ABCC11: variants seen among roughly 807,000 people sequenced by gnomAD.
ABCC11 encodes the protein ATP-binding cassette sub-family C member 11.
A neutral mutation model predicts 149.3 loss-of-function variants in ABCC11; 135 were observed. That is an observed-to-expected ratio of 0.90 (90% confidence interval 0.79 to 1.04). The LOEUF (loss-of-function observed/expected upper bound fraction) is 1.04, where lower values mean the gene tolerates loss of function less well. ABCC11 is among the 50% of genes least tolerant of loss of function. ABCC11 has a pLI of 0.00. For missense variants in ABCC11, 1,680 were observed against 1,722.1 expected, an observed-to-expected ratio of 0.98 and a Z score of 0.43; for synonymous variants, 665 against 671.4, an observed-to-expected ratio of 0.99 and a Z score of 0.15.
At chr16:48,209,039 A>G (rs1369380817) in intron 11 of ABCC11, among the ~76,000 whole-genome samples, 1 of 152,310 alleles carries the variant, frequency 6.6e-6, no homozygotes, top group African/African-American at 2.4e-5. Context: ...TAAATATCAG[A>G]TGGAGATAAG....
chr16:48,180,009 C>A (rs1966327387), intron 23 of ABCC11, among the ~76,000 whole-genome samples: 1 of 152,184 alleles, frequency 6.6e-6, no homozygotes, highest in Non-Finnish European at 1.5e-5. Flanking sequence ...AAAAAGAGGC[C>A]AGGGGCGGGT....
chr16:48,230,644 A>G, intron 2 of ABCC11, 71 bp from the exon 3 acceptor site: 1 of 1,399,698 alleles, frequency 7.1e-7, no homozygotes. Flanking sequence ...ATGTTGGACC[A>G]GCTGCCCATG....
At chr16:48,214,303 C>G (rs983851774) in intron 9 of ABCC11, among the ~76,000 whole-genome samples, 10 of 152,042 alleles carry the variant, frequency 6.6e-5, no homozygotes, top group African/African-American at 2.4e-4. Flanking sequence ...ATGCCTGAGC[C>G]AAGCAGAGGG....
chr16:48,209,652 G>T (rs1299320680), intron 11 of ABCC11: 1 of 152,530 alleles, frequency 6.6e-6, no homozygotes, highest in Non-Finnish European at 1.5e-5. Flanking sequence ...CAGGTGTCGG[G>T]GTCCCCTGGT....
In ABCC11 at chr16:48,196,323, T is replaced by G. The variant is rs764669323; in HGVS notation, c.2315-2A>C. ...CCTGTGTGAGCTGATGCTCCGGCACTGGGTCAGGGTAGAAGAAGAGAAAAG... is the reference window on the plus strand; with the variant it reads ...CCTGTGTGAGCTGATGCTCCGGCACGGGGTCAGGGTAGAAGAAGAGAAAAG... On this transcript the variant is annotated splice_acceptor_variant, in intron 17 of 29. Transcript: ENST00000356608. LOFTEE classifies it high-confidence loss of function. The G allele has an allele frequency of 6.2e-7, 1 of 1,613,762 alleles. No homozygotes were observed. Among genetic ancestry groups the G allele is most frequent in the African/African-American group, 1.3e-5 (1 of 75,058 alleles).
rs1969078578 is a variant in ABCC11 at position 48,213,354 on chromosome 16, AG to A, written c.1356+88del. On this transcript the variant is annotated intron_variant, in intron 10 of 29. Transcript: ENST00000356608. Reference sequence around the variant, plus strand: ...CCCTCTCTCGACCTAGGCCTTGGCCAGGGGACGTGTTCTGGAGGAACATCAT... The same window carrying A: ...CCCTCTCTCGACCTAGGCCTTGGCCAGGGACGTGTTCTGGAGGAACATCAT... The A allele has an allele frequency of 2.1e-5, 25 of 1,179,842 alleles. No individual in the cohort carries two copies. In the South Asian group the frequency reaches 3.4e-4, roughly 16 times the overall value. 73.1% of individuals were successfully genotyped at this position (1,179,842 alleles called of 1,614,324 possible). A position where few individuals can be genotyped will look rare whatever the true frequency, so the allele number is the denominator to read the frequency against.
intron 4 of ABCC11, among the ~76,000 whole-genome samples, chr16:48,224,830 C>A (rs1339079137): frequency 6.6e-6 from 1 of 152,142 alleles, no homozygotes; most frequent in Non-Finnish European, 1.5e-5. Flanking sequence ...CGAGACCAGT[C>A]TGGTCAACAT....
At chr16:48,222,567 T>C (rs895107061) in intron 6 of ABCC11, 31 bp downstream of exon 6, 2 of 1,584,954 alleles carry the variant, frequency 1.3e-6, no homozygotes, top group African/African-American at 2.7e-5. Flanking sequence ...TAGGGAAGCA[T>C]GGCCCAGAAT....
intron 13 of ABCC11, among the ~76,000 whole-genome samples, 196 bp from the exon 14 acceptor site, chr16:48,203,496 AT>A (rs1272720279): frequency 3.9e-5 from 6 of 152,122 alleles, no homozygotes; most frequent in Non-Finnish European, 5.9e-5. Context: ...CTCTTAGTAA[AT>A]ATTTGACCAG....
chr16:48,188,169 G>A (rs1470863906), intron 20 of ABCC11, among the ~76,000 whole-genome samples: 5 of 152,298 alleles, frequency 3.3e-5, no homozygotes, highest in East Asian at 1.9e-4. Flanking sequence ...CACTGCCTAC[G>A]GGGTAGCCCT....
At chr16:48,170,606 G>T (rs1398395705) in intron 27 of ABCC11, among the ~76,000 whole-genome samples, 1 of 152,152 alleles carries the variant, frequency 6.6e-6, no homozygotes, top group Non-Finnish European at 1.5e-5. Context: ...GCATTTACTT[G>T]TTGCCTTTAT....
At chr16:48,205,635 G>A in intron 12 of ABCC11, 98 bp from the exon 13 acceptor site, 1 of 1,469,028 alleles carries the variant, frequency 6.8e-7, no homozygotes, top group African/African-American at 1.4e-5. Flanking sequence ...CTGCCCTCCA[G>A]GACCTTGGGG....
At position 48,218,744 on chromosome 16, in the gene ABCC11, G is replaced by T. The variant is rs117494223; in HGVS notation, c.778-2457C>A. Among the ~76,000 whole-genome samples the T allele has an allele frequency of 2.9e-3, 441 of 152,242 alleles. 6 individuals carry two copies. Among genetic ancestry groups the T allele is most frequent in the East Asian group, 0.013 (68 of 5,168 alleles). Reference sequence around the variant, plus strand: ...TACACAAGCTCTCTCAGTCTCCCTTGTCTGCCACCATGTAAGATGTGCCTT... The same window carrying T: ...TACACAAGCTCTCTCAGTCTCCCTTTTCTGCCACCATGTAAGATGTGCCTT... On this transcript the variant is annotated intron_variant, in intron 6 of 29. Transcript: ENST00000356608.
rs186982648 is a variant in ABCC11, at chr16:48,194,834, T to A, written c.2405-852A>T. Among the ~76,000 whole-genome samples, 280 of 152,326 alleles carry A rather than the reference T, an allele frequency of 1.8e-3. 1 individual carries two copies. Among genetic ancestry groups the A allele is most frequent in the African/African-American group, 6.3e-3 (260 of 41,554 alleles). On this transcript the variant is annotated intron_variant, in intron 18 of 29. Coordinates refer to ENST00000356608, the MANE Select transcript of ABCC11 (RefSeq NM_001370497.1). ...TTGGACTTCCCAGTCTCCAGAACAG[T>A]GAGAAATAAATTTCTGTTCTTTATA...
At chr16:48,203,123 C>T (rs1968136536) in intron 14 of ABCC11, 105 bp downstream of exon 14, 5 of 1,275,562 alleles carry the variant, frequency 3.9e-6, no homozygotes, top group Non-Finnish European at 4.4e-6. Context: ...ACTCCAACTG[C>T]TTTGGGAGGA....
chr16:48,244,485 G>C (rs766715474), intron 1 of ABCC11: 7 of 1,599,934 alleles, frequency 4.4e-6, no homozygotes, highest in African/African-American at 4.0e-5. Context: ...GCGCACCAGC[G>C]TGGACTCGGC....
intron 4 of ABCC11, among the ~76,000 whole-genome samples, chr16:48,225,156 T>G (rs1048845831): frequency 4.6e-5 from 7 of 152,132 alleles, no homozygotes; most frequent in Admixed American, 3.9e-4. Flanking sequence ...GTTGAACCAG[T>G]GAGCCGAGAT....
rs760237053 is a variant in ABCC11 at position 48,184,449 on chromosome 16, G to C, written c.3249C>G (p.Ile1083Met). The change falls in exon 23 of 30, where the codon ATC (isoleucine) becomes ATG (methionine). Residue 1083 changes from isoleucine to methionine, a missense_variant. Coordinates refer to ENST00000356608, the MANE Select transcript of ABCC11 (RefSeq NM_001370497.1). ...PYSFKVMAVNIVLQLASSFQA... is the reference protein window; with the variant it reads ...PYSFKVMAVNMVLQLASSFQA... Reference sequence around the variant, plus strand: ...AGAGTCACCCCCTCACCTGCAGCACGATGTTGACAGCCATGACTTTAAAGG... The same window carrying C: ...AGAGTCACCCCCTCACCTGCAGCACCATGTTGACAGCCATGACTTTAAAGG... 2 of 1,613,938 alleles carry C rather than the reference G, an allele frequency of 1.2e-6. No individual in the cohort carries two copies. Among genetic ancestry groups the C allele is most frequent in the Non-Finnish European group, 1.7e-6 (2 of 1,179,914 alleles).
In ABCC11 at chr16:48,193,930, T is replaced by G; in HGVS notation, c.2457A>C (p.Leu819Phe). The stretch of plus-strand genomic sequence containing the variant: ...TCAGCCACCAGAAGCTGAAGATCGT[T>G]AAGAAGACGATCAGCACCACGAAGA... Reference protein sequence around the residue: ...IFFFVVLIVFLTIFSFWWLSY... With the variant: ...IFFFVVLIVFFTIFSFWWLSY... The change falls in exon 19 of 30, where the codon TTA becomes TTC. Residue 819 changes from leucine to phenylalanine, a missense_variant. Leu to Phe is a conservative substitution (Grantham distance 22). Coordinates refer to ENST00000356608, the MANE Select transcript of ABCC11 (RefSeq NM_001370497.1). 1 of 1,613,992 alleles carries G rather than the reference T, an allele frequency of 6.2e-7. No homozygotes were observed. Among genetic ancestry groups the G allele is most frequent in the Non-Finnish European group, 8.5e-7 (1 of 1,179,910 alleles).
Sources: gnomAD v4.1 joint callset for allele counts (sites outside exome capture counted in the v4.1 genomes callset) on GRCh38, gnomAD v4.1.1 for gene constraint, MANE v1.5 for transcripts, NCBI Gene and HGNC (gene_info 2026-07-23, HGNC 2026-07-21) for gene names.